Variants in VWA5A observed in about 807,000 individuals in gnomAD.
The protein encoded by VWA5A is von Willebrand factor A domain containing 5A.
In VWA5A, 77 loss-of-function variants were observed where a neutral mutation model predicts 84.6. That is an observed-to-expected ratio of 0.91 (90% CI 0.76 to 1.10). VWA5A has a LOEUF of 1.10. Among genes scored for constraint, VWA5A ranks in the 50% least tolerant of loss-of-function variants. The pLI is 0.00. For synonymous variants in VWA5A, 334 were observed against 350.1 expected (o/e 0.95, Z 0.51); for missense variants, 973 against 963.0 (o/e 1.01, Z -0.14).
intron 7 of VWA5A, among the ~76,000 whole-genome samples, chr11:124,119,674 T>C (rs1450720513): frequency 3.3e-5 from 5 of 152,230 alleles, no homozygotes; most frequent in Non-Finnish European, 7.3e-5. Flanking sequence ...AAATGTCTCT[T>C]ATTGGCTAAA....
intron 11 of VWA5A, 79 bp downstream of exon 11, chr11:124,124,395 T>G (rs1591358913): frequency 6.5e-7 from 1 of 1,532,654 alleles, no homozygotes; most frequent in East Asian, 2.4e-5. Context: ...ATGCCGGTGT[T>G]GACCTTCCTT....
rs774527401 is a variant in VWA5A at position 124,119,067 on chromosome 11, G to A, written c.738G>A (p.Met246Ile). 1 of 1,614,168 alleles carries A rather than the reference G, an allele frequency of 6.2e-7. No homozygotes were observed. The highest frequency in any genetic ancestry group is 8.5e-7 in the Non-Finnish European group (1 of 1,180,004). The change falls in exon 7 of 19, where the codon ATG becomes ATA. Residue 246 changes from methionine (M) to isoleucine (I), a missense_variant. Transcript: ENST00000456829. Reference sequence around the variant, plus strand: ...ATACCCCCAGCGTGGTTTTGGAGATGGGGATGCCTAACATGAAGCCAGGTA... The same window carrying A: ...ATACCCCCAGCGTGGTTTTGGAGATAGGGATGCCTAACATGAAGCCAGGTA... ...EVHTPSVVLE[M>I]GMPNMKPGHL...
At chr11:124,136,726 T>TTCCG in intron 14 of VWA5A, 52 bp downstream of exon 14, 2 of 1,277,146 alleles carry the variant, frequency 1.6e-6, no homozygotes, top group Non-Finnish European at 2.2e-6. Flanking sequence ...CCTTCCTTCC[T>TTCCG]TCCTTCCTTC....
Position 124,136,235 on chromosome 11 carries a change from C to G in VWA5A, c.1466C>G (p.Thr489Ser). ...LSAKMLSPEQTVIFRGQRLIS... is the reference protein window; with the variant it reads ...LSAKMLSPEQSVIFRGQRLIS... ...GCTAAAATGCTTTCCCCAGAACAGA[C>G]TGTCATCTTTAGGGGTCAGAGATTA... Residue 489 changes from threonine (T) to serine (S), a missense_variant, in exon 13 of 19, where the codon ACT becomes AGT. Transcript: ENST00000456829. The G allele has an allele frequency of 6.2e-7, 1 of 1,614,194 alleles. No homozygotes were observed. Among genetic ancestry groups the G allele is most frequent in the Non-Finnish European group, 8.5e-7 (1 of 1,180,044 alleles).
At chr11:124,136,924 A>G (rs1191865953) in intron 14 of VWA5A, 91 bp from the exon 15 acceptor site, 2 of 1,493,070 alleles carry the variant, frequency 1.3e-6, no homozygotes, top group East Asian at 2.3e-5. Context: ...CTTTATCTTA[A>G]CTCTTCTATT....
chr11:124,137,358 T>C (rs1860629284), intron 15 of VWA5A, 90 bp downstream of exon 15: 2 of 1,492,068 alleles, frequency 1.3e-6, no homozygotes, highest in African/African-American at 1.4e-5. Context: ...TGTGAAATGT[T>C]CTCAAATTGC....
At position 124,123,657 on chromosome 11, in the gene VWA5A, C is replaced by T. The variant is rs933592513; in HGVS notation, c.1020-3C>T. 1 of 1,613,962 alleles carries T rather than the reference C, an allele frequency of 6.2e-7. No individual in the cohort carries two copies. Among genetic ancestry groups the T allele is most frequent in the African/African-American group, 1.3e-5 (1 of 74,882 alleles). ...TGTAACTGGGTGTGTTTGTTTTTCT[C>T]AGGGAGAGTGTGAAGTACACTCAGC... On this transcript the variant is annotated splice_region_variant and splice_polypyrimidine_tract_variant and intron_variant, in intron 9 of 18. Coordinates refer to ENST00000456829, the MANE Select transcript of VWA5A (RefSeq NM_001130142.2).
At chr11:124,137,546 C>A (rs987264354) in intron 15 of VWA5A, among the ~76,000 whole-genome samples, 1 of 152,300 alleles carries the variant, frequency 6.6e-6, no homozygotes, top group East Asian at 1.9e-4. Flanking sequence ...ACTGCCTAAT[C>A]TGAAGCTGAT....
At chr11:124,145,621 G>T (rs967777682) in intron 18 of VWA5A, among the ~76,000 whole-genome samples, 2 of 152,180 alleles carry the variant, frequency 1.3e-5, no homozygotes, top group African/African-American at 2.4e-5. Context: ...TCTCCTTACT[G>T]TCTCAGTACC....
chr11:124,121,588 T>C (rs1241366075), intron 7 of VWA5A, among the ~76,000 whole-genome samples: 1 of 152,186 alleles, frequency 6.6e-6, no homozygotes, highest in African/African-American at 2.4e-5. Flanking sequence ...AAAGATTGGA[T>C]ACCCCGGCTT....
Position 124,118,365 on chromosome 11 carries a change from G to A in VWA5A, c.423G>A (p.Leu141=). ...TGCCTCTGGAAGCAGATGGGGCTCT[G>A]CGCTTTGTGCTCCCAGCTGTCCTGA... is the stretch of plus-strand genomic sequence containing the variant. The part of the protein sequence containing the change: ...QELPLEADGA[L]RFVLPAVLNP... The change falls in exon 5 of 19, where the codon CTG becomes CTA. Residue 141 remains leucine (L), a synonymous_variant. Coordinates refer to ENST00000456829, the MANE Select transcript of VWA5A (RefSeq NM_001130142.2). The A allele has an allele frequency of 6.2e-7, 1 of 1,614,200 alleles. No homozygotes were observed. The highest frequency in any genetic ancestry group is 8.5e-7 in the Non-Finnish European group (1 of 1,180,042).
At position 124,118,975 on chromosome 11, in the gene VWA5A, GT is replaced by G; in HGVS notation, c.649del (p.Ser217ProfsTer15). On this transcript the variant is annotated frameshift_variant and splice_region_variant, in exon 7 of 19. Coordinates refer to ENST00000456829, the MANE Select transcript of VWA5A (RefSeq NM_001130142.2). LOFTEE classifies it high-confidence loss of function. ...YLGEDKTSAQ[V>X]SLAAGHKFDR... ...GCTCCTTTACCTGTCCTCCACTCAG[GT>G]TTCCCTGGCTGCTGGACACAAGTTT... is the stretch of plus-strand genomic sequence containing the variant. 2 of 1,614,018 alleles carry G rather than the reference GT, an allele frequency of 1.2e-6. No homozygotes were observed. The highest frequency in any genetic ancestry group is 1.7e-6 in the Non-Finnish European group (2 of 1,179,970).
chr11:124,121,209 G>A (rs989574515), intron 7 of VWA5A, among the ~76,000 whole-genome samples: 1 of 151,924 alleles, frequency 6.6e-6, no homozygotes, highest in Non-Finnish European at 1.5e-5. Context: ...ATGTACTTAC[G>A]ATATTAAGAA....
intron 11 of VWA5A, chr11:124,124,574 T>A (rs956620845): frequency 6.7e-6 from 8 of 1,194,642 alleles, no homozygotes; most frequent in Admixed American, 9.1e-5. Context: ...AGATGTTAAT[T>A]TTTTTTACTA....
chr11:124,132,259 AGGATTT>A (rs1248261023), intron 11 of VWA5A, among the ~76,000 whole-genome samples: 1 of 151,964 alleles, frequency 6.6e-6, no homozygotes, highest in African/African-American at 2.4e-5. Context: ...TACTTTTTTC[AGGATTT>A]TGAATCTATT....
intron 12 of VWA5A, among the ~76,000 whole-genome samples, chr11:124,135,522 C>CTTTTTTTTTT (rs60188800): frequency 3.6e-5 from 3 of 84,314 alleles, no homozygotes; most frequent in Non-Finnish European, 6.7e-5. Context: ...GGTGGTATTT[C>CTTTTTTTTTT]TTTTTTTTTT....
rs1864835140 is a variant in VWA5A at position 124,116,630 on chromosome 11, A to G, written c.-66A>G. ...TCTGCGTAGAAGCCCTTTTCTGAGC[A>G]TCCTCTCCTCTCCTCACACCTGCCA... On this transcript the variant is annotated 5_prime_UTR_variant, in exon 2 of 19. Coordinates refer to ENST00000456829, the MANE Select transcript of VWA5A (RefSeq NM_001130142.2). 6.6e-6 allele frequency: 1 copy of G among 152,216 alleles called. No homozygotes were observed. Among genetic ancestry groups the G allele is most frequent in the Non-Finnish European group, 1.5e-5 (1 of 68,070 alleles). The allele number at this position is 152,216 out of a possible 1,614,324, so 9.4% of individuals were successfully genotyped here. A position where few individuals can be genotyped will look rare whatever the true frequency, so the allele number is the denominator to read the frequency against.
chr11:124,145,383 G>A lies in VWA5A; in HGVS notation c.2281+20G>A, dbSNP rs376560291. The A allele has an allele frequency of 3.3e-4, 522 of 1,596,200 alleles. 2 individuals carry two copies. The highest frequency in any genetic ancestry group is 2.8e-3 in the South Asian group (248 of 87,938). On this transcript the variant is annotated intron_variant, in intron 18 of 18. Transcript: ENST00000456829. Reference sequence around the variant, plus strand: ...ATGCAGGTAGGAGCACAATCCTAAGGCCTGTCTCCTTCCCCTTCCCTGGCC... The same window carrying A: ...ATGCAGGTAGGAGCACAATCCTAAGACCTGTCTCCTTCCCCTTCCCTGGCC...
chr11:124,145,075 G>A (rs944045605), intron 17 of VWA5A, among the ~76,000 whole-genome samples, 162 bp from the exon 18 acceptor site: 1 of 152,196 alleles, frequency 6.6e-6, no homozygotes, highest in African/African-American at 2.4e-5. Context: ...TGAGGTTTAA[G>A]GCCTGGCATT....
Sources: gnomAD v4.1 joint callset for allele counts (sites outside exome capture counted in the v4.1 genomes callset) on GRCh38, gnomAD v4.1.1 for gene constraint, MANE v1.5 for transcripts, NCBI Gene and HGNC (gene_info 2026-07-23, HGNC 2026-07-21) for gene names.